The following PCNX2 variants were observed in gnomAD, a reference collection of about 807,000 sequenced individuals.
PCNX2 encodes the protein pecanex 2.
A neutral mutation model predicts 223.8 loss-of-function variants in PCNX2; 168 were observed. The ratio of observed to expected loss-of-function variants is 0.75; its 90% confidence interval spans 0.66 to 0.85. PCNX2 has a LOEUF of 0.85. PCNX2 is among the 40% of genes least tolerant of loss of function. The pLI, the probability that PCNX2 is intolerant of heterozygous loss-of-function variation, is 0.00. For missense variants in PCNX2, 2,507 were observed against 2,675.5 expected, an observed-to-expected ratio of 0.94 and a Z score of 1.39; for synonymous variants, 1,006 against 1,052.6, an observed-to-expected ratio of 0.96 and a Z score of 0.86.
chr1:233,033,549 T>A (rs1457895093), intron 25 of PCNX2, among the ~76,000 whole-genome samples: 15 of 152,186 alleles, frequency 9.9e-5, no homozygotes, highest in African/African-American at 3.4e-4. Flanking sequence ...AGAGATGATA[T>A]CCCCAGGATC....
intron 9 of PCNX2, 78 bp from the exon 10 acceptor site, chr1:233,227,449 T>TGGCC: frequency 7.7e-7 from 1 of 1,302,332 alleles, no homozygotes; most frequent in Non-Finnish European, 1.0e-6. Flanking sequence ...TATATATATG[T>TGGCC]ATACACACAC....
At chr1:233,003,299 A>C (rs1015836010) in intron 28 of PCNX2, among the ~76,000 whole-genome samples, 16 of 152,238 alleles carry the variant, frequency 1.1e-4, no homozygotes, top group Non-Finnish European at 1.9e-4. Flanking sequence ...GAACTTAAAC[A>C]AATTTATAAG....
At chr1:233,278,218 C>T (rs934998803) in intron 1 of PCNX2, among the ~76,000 whole-genome samples, 4 of 152,284 alleles carry the variant, frequency 2.6e-5, no homozygotes, top group South Asian at 2.1e-4. Context: ...GCATGTTAAG[C>T]CCTGGCCTCC....
chr1:233,183,170 T>C (rs1679901855), intron 15 of PCNX2, among the ~76,000 whole-genome samples: 1 of 152,216 alleles, frequency 6.6e-6, no homozygotes, highest in South Asian at 2.1e-4. Flanking sequence ...GGCAACCTGA[T>C]GGCACAATCC....
chr1:233,271,461 G>A (rs780426905), intron 1 of PCNX2, among the ~76,000 whole-genome samples: 2 of 152,094 alleles, frequency 1.3e-5, no homozygotes, highest in Non-Finnish European at 2.9e-5. Flanking sequence ...TTTATTAAGT[G>A]CCCTCAAACC....
chr1:232,999,542 C>T, intron 30 of PCNX2, 163 bp from the exon 31 acceptor site: 1 of 748,602 alleles, frequency 1.3e-6, no homozygotes, highest in Admixed American at 3.3e-5. Flanking sequence ...CAACCTCCGC[C>T]TCCCGGATTC....
intron 9 of PCNX2, among the ~76,000 whole-genome samples, chr1:233,228,550 C>A (rs1331046537): frequency 6.6e-6 from 1 of 152,100 alleles, no homozygotes; most frequent in Non-Finnish European, 1.5e-5. Flanking sequence ...TAAGTGAGAT[C>A]ACACAGTAGT....
At position 233,141,781 on chromosome 1, in the gene PCNX2, G is replaced by GTGTGTGTGTGTC. The variant is rs1677140575; in HGVS notation, c.3518-1927_3518-1926insGACACACACACA. 3.3e-5 allele frequency among the ~76,000 whole-genome samples: 5 copies of GTGTGTGTGTGTC among 150,344 alleles called. No individual in the cohort carries two copies. In the South Asian group the frequency reaches 1.0e-3, roughly 31 times the overall value. Reference sequence around the variant, plus strand: ...TGTGTGTGTATATGTATATGTGTGTGTGTGTGTGTGTGTGTGTGTATATGA... The same window carrying GTGTGTGTGTGTC: ...TGTGTGTGTATATGTATATGTGTGTGTGTGTGTGTGTCTGTGTGTGTGTGTGTGTGTATATGA... On this transcript the variant is annotated intron_variant, in intron 19 of 33. Transcript: ENST00000258229.
At chr1:233,312,667 C>T in the PCNX2 span, among the ~76,000 whole-genome samples, 61,130 of 151,916 alleles carry the variant, frequency 0.4, 12,474 homozygotes, top group Middle Eastern at 0.46. Context: ...TCCATAACTA[C>T]ACTCAATCAC....
intron 17 of PCNX2, among the ~76,000 whole-genome samples, chr1:233,161,963 T>C (rs1209314974): frequency 6.8e-6 from 1 of 147,870 alleles, no homozygotes; most frequent in African/African-American, 2.5e-5. Context: ...TTATTTTTTA[T>C]ATATATATAT....
Position 233,072,336 on chromosome 1 carries a change from G to A in PCNX2, c.4077-15046C>T, listed in dbSNP as rs1672893607. On this transcript the variant is annotated intron_variant, in intron 23 of 33. Transcript: ENST00000258229. ...ATATTTGCATATGGTGTAAGGAAGG[G>A]GTCCAGTTTCAATTTCTGCATATGG... is the stretch of plus-strand genomic sequence containing the variant. 2.0e-5 allele frequency among the ~76,000 whole-genome samples: 3 copies of A among 152,098 alleles called. No homozygotes were observed. The South Asian group carries it at 6.2e-4, about 32-fold the overall frequency.
chr1:233,146,214 G>T (rs541658439), intron 19 of PCNX2, among the ~76,000 whole-genome samples: 1 of 152,000 alleles, frequency 6.6e-6, no homozygotes, highest in Non-Finnish European at 1.5e-5. Context: ...ACTTAAATAC[G>T]AATCTTCCCA....
chr1:233,237,673 A>G (rs138457914), intron 8 of PCNX2, among the ~76,000 whole-genome samples: 350 of 152,310 alleles, frequency 2.3e-3, no homozygotes, highest in Non-Finnish European at 4.2e-3. Flanking sequence ...TAGGGTATCT[A>G]TAACTTTTAG....
rs979743462 is a variant in PCNX2 at position 233,284,184 on chromosome 1, T to C, written c.153+11142A>G. ...CTGGCTGGCATAACGGAAATTTGGA[T>C]AGGAACGATATATTAGACAATACCA... is the stretch of plus-strand genomic sequence containing the variant. On this transcript the variant is annotated intron_variant, in intron 1 of 33. Transcript: ENST00000258229. 9.2e-5 allele frequency among the ~76,000 whole-genome samples: 14 copies of C among 152,214 alleles called. 1 individual carries two copies. The highest frequency in any genetic ancestry group is 8.3e-4 in the South Asian group (4 of 4,828).
intron 25 of PCNX2, among the ~76,000 whole-genome samples, chr1:233,035,778 G>A (rs1385244092): frequency 6.6e-6 from 1 of 152,196 alleles, no homozygotes; most frequent in Admixed American, 6.5e-5. Flanking sequence ...CATCAGATAT[G>A]GCCATTTCTG....
In PCNX2 at chr1:232,986,159, G is replaced by C. The variant is rs1224639958; in HGVS notation, c.6173C>G (p.Thr2058Ser). Reference protein sequence around the residue: ...SAAEGGNTSDTQSSSSVNIVM... With the variant: ...SAAEGGNTSDSQSSSSVNIVM... ...GATGTTGACGCTGCTGGATGACTGG[G>C]TGTCACTGGTATTGCCCCCCTCCGC... is the stretch of plus-strand genomic sequence containing the variant. The change falls in exon 33 of 34, where the codon ACC becomes AGC. Residue 2058 changes from threonine to serine, a missense_variant. Thr to Ser is a moderately conservative substitution (Grantham distance 58). Around this residue, in one of 3 missense-constraint regions of PCNX2, gnomAD observed 1,372 missense variants for 1,509.4 expected, o/e 0.91. Coordinates refer to ENST00000258229, the MANE Select transcript of PCNX2 (RefSeq NM_014801.4). The C allele has an allele frequency of 6.4e-7, 1 of 1,568,992 alleles. No individual in the cohort carries two copies. Among genetic ancestry groups the C allele is most frequent in the South Asian group, 1.2e-5 (1 of 85,266 alleles).
chr1:233,241,919 A>T (rs1272492824), intron 8 of PCNX2, among the ~76,000 whole-genome samples: 4 of 152,184 alleles, frequency 2.6e-5, no homozygotes, highest in Admixed American at 2.6e-4. Flanking sequence ...GTCTAAACAG[A>T]CATGATTATT....
intron 12 of PCNX2, among the ~76,000 whole-genome samples, chr1:233,217,476 T>C (rs1025119474): frequency 1.3e-5 from 2 of 152,210 alleles, no homozygotes; most frequent in Non-Finnish European, 2.9e-5. Context: ...ATGTAGGCAT[T>C]TCCATTAGAC....
chr1:233,185,992 AATGCATAGGG>A (rs1465553610), intron 15 of PCNX2, among the ~76,000 whole-genome samples: 1 of 152,176 alleles, frequency 6.6e-6, no homozygotes, highest in Non-Finnish European at 1.5e-5. Flanking sequence ...ATCTGACGAG[AATGCATAGGG>A]CAGTCCGGCT....
Sources: gnomAD v4.1 joint callset for allele counts (sites outside exome capture counted in the v4.1 genomes callset) on GRCh38, gnomAD v4.1.1 for gene constraint, gnomAD v4.1.1 regional missense constraint, MANE v1.5 for transcripts, NCBI Gene and HGNC (gene_info 2026-07-23, HGNC 2026-07-21) for gene names.